IGFN1: variants seen among roughly 807,000 people sequenced by gnomAD.
The protein encoded by IGFN1 is immunoglobulin like and fibronectin type III domain containing 1.
A neutral mutation model predicts 289.5 loss-of-function variants in IGFN1; 253 were observed. That is an observed-to-expected ratio of 0.87 (90% CI 0.79 to 0.97). The LOEUF is 0.97. Ranked by LOEUF, IGFN1 falls within the 50% of genes least tolerant of loss-of-function variation. IGFN1 has a pLI of 0.00. For missense variants in IGFN1, 4,470 were observed against 4,686.1 expected, an observed-to-expected ratio of 0.95 and a Z score of 1.35; for synonymous variants, 1,706 against 1,788.5, an observed-to-expected ratio of 0.95 and a Z score of 1.16.
At chr1:201,222,686 G>A in intron 19 of IGFN1, 53 bp from the exon 20 acceptor site, 1 of 1,343,352 alleles carries the variant, frequency 7.4e-7, no homozygotes, top group Non-Finnish European at 1.1e-6. Flanking sequence ...ACCTGGGGCT[G>A]GGGTCCAACT....
chr1:201,225,109 G>A (rs1157849159), intron 21 of IGFN1, among the ~76,000 whole-genome samples: 1 of 152,224 alleles, frequency 6.6e-6, no homozygotes, highest in Non-Finnish European at 1.5e-5. Flanking sequence ...GTCATGTCAT[G>A]TCTCCTCTCC....
rs1667443657 is a variant in IGFN1, at chr1:201,206,731, G to C, written c.1838G>C (p.Cys613Ser). 6.5e-7 allele frequency: 1 copy of C among 1,536,698 alleles called. No individual in the cohort carries two copies. Residue 613 changes from cysteine to serine, a missense_variant, in exon 12 of 24, where the codon TGC (cysteine) becomes TCC (serine). This residue lies in a region of IGFN1 where 2,011 missense variants were observed against 1,953.4 expected (regional missense o/e 1.03). Coordinates refer to ENST00000335211, the MANE Select transcript of IGFN1 (RefSeq NM_001164586.2). ...AGAGGAAAGAGCGACCTGCAGGGAT[G>C]CCAGTCTGATCCTGTAGGGTCCTGG... is the stretch of plus-strand genomic sequence containing the variant. ...PGRGKSDLQG[C>S]QSDPVGSWPR... is the part of the protein sequence containing the mutation.
chr1:201,214,977 TG>T, intron 13 of IGFN1, 35 bp from the exon 14 acceptor site: 1 of 1,602,214 alleles, frequency 6.2e-7, no homozygotes, highest in South Asian at 1.1e-5. Flanking sequence ...GGGATGGGAG[TG>T]GGGTGACCTT....
Position 201,207,044 on chromosome 1 carries a change from G to A in IGFN1, c.2151G>A (p.Leu717=). ...GGGGCTACTGGGGGTCAGGAGAGTT[G>A]CTAGAACAGATACCTGGAGGCAAGG... ...EARGYWGSGE[L]LEQIPGGKDF... is the part of the protein sequence containing the mutation. Residue 717 remains leucine, a synonymous_variant, in exon 12 of 24, where the codon TTG becomes TTA. Transcript: ENST00000335211. 2.6e-6 allele frequency: 4 copies of A among 1,536,982 alleles called. No homozygotes were observed. Among genetic ancestry groups the A allele is most frequent in the Non-Finnish European group, 3.5e-6 (4 of 1,146,862 alleles).
chr1:201,216,338 G>A (rs1332812735), intron 15 of IGFN1, 116 bp from the exon 16 acceptor site: 4 of 817,362 alleles, frequency 4.9e-6, no homozygotes, highest in African/African-American at 1.8e-5. Context: ...CTTATCTGCT[G>A]ATGAGTGGAT....
At chr1:201,194,906 A>G (rs1362239578) in intron 3 of IGFN1, among the ~76,000 whole-genome samples, 1 of 152,222 alleles carries the variant, frequency 6.6e-6, no homozygotes, top group African/African-American at 2.4e-5. Context: ...AGAAATTGGG[A>G]AGGGCCCTTG....
At chr1:201,205,044 C>A (rs1401836049) in intron 10 of IGFN1, 38 bp from the exon 11 acceptor site, 19 of 1,509,448 alleles carry the variant, frequency 1.3e-5, no homozygotes, top group Non-Finnish European at 1.7e-5. Flanking sequence ...CTGTGTCATA[C>A]CATCAAGCTG....
intron 18 of IGFN1, among the ~76,000 whole-genome samples, chr1:201,220,449 G>A (rs1653659554): frequency 6.6e-6 from 1 of 152,188 alleles, no homozygotes; most frequent in South Asian, 2.1e-4. Flanking sequence ...TAAAGTGCTG[G>A]GATTACAGGC....
At chr1:201,217,498 C>A in intron 17 of IGFN1, 38 bp downstream of exon 17, 1 of 1,601,028 alleles carries the variant, frequency 6.2e-7, no homozygotes, top group Non-Finnish European at 8.5e-7. Flanking sequence ...TCCTTAGACC[C>A]CTCCTGGCTC....
At chr1:201,214,402 C>A in intron 13 of IGFN1, 101 bp downstream of exon 13, 3 of 1,240,254 alleles carry the variant, frequency 2.4e-6, no homozygotes, top group Non-Finnish European at 3.3e-6. Flanking sequence ...ATTTTTCATT[C>A]TTCATTTTGC....
chr1:201,202,511 G>T (rs1240209471), intron 9 of IGFN1, among the ~76,000 whole-genome samples: 2 of 151,898 alleles, frequency 1.3e-5, no homozygotes, highest in African/African-American at 4.8e-5. Flanking sequence ...CTTTGCCCAG[G>T]TGTTCCCTCT....
chr1:201,212,395 G>C lies in IGFN1; in HGVS notation c.7502G>C (p.Gly2501Ala), dbSNP rs1667862500. The change falls in exon 12 of 24, where the codon GGG becomes GCG. Residue 2501 changes from glycine to alanine, a missense_variant. This residue lies in a region of IGFN1 where 2,218 missense variants were observed against 2,114.1 expected (regional missense o/e 1.05). Transcript: ENST00000335211. ...TGGCAAGACAGTTCTGGGACTCCAGGGTCTTCTAGAGACAGAGGGGCTCCC... is the reference window on the plus strand; with the variant it reads ...TGGCAAGACAGTTCTGGGACTCCAGCGTCTTCTAGAGACAGAGGGGCTCCC... ...KEWQDSSGTP[G>A]SSRDRGAPRV... 6 of 1,536,852 alleles carry C rather than the reference G, an allele frequency of 3.9e-6. No homozygotes were observed. The highest frequency in any genetic ancestry group is 5.2e-6 in the Non-Finnish European group (6 of 1,146,832).
chr1:201,200,745 T>C (rs184785152), intron 8 of IGFN1, among the ~76,000 whole-genome samples: 1 of 152,266 alleles, frequency 6.6e-6, no homozygotes, highest in East Asian at 1.9e-4. Flanking sequence ...GAGAATGTAA[T>C]TAAAGTACTT....
chr1:201,192,366 G>A (rs1666696481), intron 1 of IGFN1, among the ~76,000 whole-genome samples: 1 of 152,226 alleles, frequency 6.6e-6, no homozygotes, highest in Non-Finnish European at 1.5e-5. Flanking sequence ...GGGTGGGACT[G>A]CTGGAAGATT....
chr1:201,215,272 C>G (rs556172803), intron 14 of IGFN1, 118 bp downstream of exon 14: 1 of 1,141,394 alleles, frequency 8.8e-7, no homozygotes, highest in Non-Finnish European at 1.2e-6. Flanking sequence ...AGTATCTAAT[C>G]TCATCCCCAG....
Position 201,206,128 on chromosome 1 carries a change from T to A in IGFN1, c.1235T>A (p.Leu412Gln), listed in dbSNP as rs188783480. Reference sequence around the variant, plus strand: ...CAGTCCACAAGTGCTGACCACAAACTGCAGAGGCAAGGAGCCCAGGCATCA... The same window carrying A: ...CAGTCCACAAGTGCTGACCACAAACAGCAGAGGCAAGGAGCCCAGGCATCA... ...DLQSTSADHK[L>Q]QRQGAQASGA... Residue 412 changes from leucine (L) to glutamine (Q), a missense_variant, in exon 12 of 24, where the codon CTG (leucine) becomes CAG (glutamine). Leu to Gln is a moderately radical substitution (Grantham distance 113, BLOSUM62 -2). Around this residue, in one of 8 missense-constraint regions of IGFN1, gnomAD observed 2,011 missense variants for 1,953.4 expected, o/e 1.03. Coordinates refer to ENST00000335211, the MANE Select transcript of IGFN1 (RefSeq NM_001164586.2). 2.1e-5 allele frequency: 33 copies of A among 1,550,882 alleles called. No individual in the cohort carries two copies. The Admixed American group carries it at 4.7e-4, about 22-fold the overall frequency.
At chr1:201,223,955 T>C (rs1008207951) in intron 20 of IGFN1, among the ~76,000 whole-genome samples, 3 of 152,240 alleles carry the variant, frequency 2.0e-5, no homozygotes, top group African/African-American at 7.2e-5. Flanking sequence ...TTAATGCACA[T>C]TGAGTAGTTA....
At chr1:201,215,866 G>A (rs752486304) in intron 15 of IGFN1, 28 bp downstream of exon 15, 6 of 1,602,068 alleles carry the variant, frequency 3.7e-6, no homozygotes, top group Non-Finnish European at 5.1e-6. Context: ...CCCCAACTAA[G>A]GCCTGAGAGT....
chr1:201,212,986 G>A lies in IGFN1; in HGVS notation c.8093G>A (p.Ser2698Asn). Residue 2698 changes from serine (S) to asparagine (N), a missense_variant, in exon 12 of 24, where the codon AGT becomes AAT. Physicochemically the swap from Ser to Asn is conservative, Grantham distance 46. This residue lies in a region of IGFN1 where 2,218 missense variants were observed against 2,114.1 expected (regional missense o/e 1.05). Transcript: ENST00000335211. ...SPWSLDSKGS[S>N]PGRGSSVDAE... The stretch of plus-strand genomic sequence containing the variant: ...TGGTCCCTGGATAGCAAAGGTTCAA[G>A]TCCTGGAAGGGGCAGTTCTGTTGAT... 1.3e-6 allele frequency: 2 copies of A among 1,551,592 alleles called. No individual in the cohort carries two copies. The highest frequency in any genetic ancestry group is 1.7e-6 in the Non-Finnish European group (2 of 1,146,972).
Sources: gnomAD v4.1 joint callset for allele counts (sites outside exome capture counted in the v4.1 genomes callset) on GRCh38, gnomAD v4.1.1 for gene constraint, gnomAD v4.1.1 regional missense constraint, MANE v1.5 for transcripts, NCBI Gene and HGNC (gene_info 2026-07-23, HGNC 2026-07-21) for gene names.